NUGGC: variants seen among roughly 807,000 people sequenced by gnomAD.
NUGGC encodes the protein nuclear GTPase, germinal center associated.
Under a neutral mutation model 92.6 loss-of-function variants are expected in NUGGC, and 58 were observed. The ratio of observed to expected loss-of-function variants is 0.63; its 90% CI spans 0.51 to 0.78. NUGGC has a LOEUF of 0.78. NUGGC is among the 30% of genes least tolerant of loss of function. NUGGC has a pLI of 0.00. For synonymous variants in NUGGC, 376 were observed against 366.4 expected (o/e 1.03, Z -0.30); for missense variants, 925 against 964.6 (o/e 0.96, Z 0.54).
chr8:28,041,250 C>T (rs183016260), intron 12 of NUGGC, 35 bp from the exon 13 acceptor site: 5 of 1,582,568 alleles, frequency 3.2e-6, no homozygotes, highest in Admixed American at 3.5e-5. Flanking sequence ...TCAGGCCACC[C>T]CCTCCCTAAG....
At chr8:28,035,269 T>A (rs559749238) in intron 13 of NUGGC, among the ~76,000 whole-genome samples, 2 of 152,308 alleles carry the variant, frequency 1.3e-5, no homozygotes, top group South Asian at 4.2e-4. Context: ...TCTTTATCTA[T>A]TGCTATGAAA....
chr8:28,071,571 C>G (rs1355347581), intron 2 of NUGGC, among the ~76,000 whole-genome samples: 2 of 152,162 alleles, frequency 1.3e-5, no homozygotes, highest in Non-Finnish European at 1.5e-5. Flanking sequence ...CACCTAGAAG[C>G]AGATCTTTGT....
intron 1 of NUGGC, among the ~76,000 whole-genome samples, chr8:28,075,974 G>A (rs553545893): frequency 2.6e-5 from 4 of 152,204 alleles, no homozygotes; most frequent in Admixed American, 6.5e-5. Flanking sequence ...CCTTCTTCTC[G>A]CAGGTGAATT....
At chr8:28,032,102 A>C (rs554707516) in intron 14 of NUGGC, among the ~76,000 whole-genome samples, 1 of 152,334 alleles carries the variant, frequency 6.6e-6, no homozygotes, top group East Asian at 1.9e-4. Flanking sequence ...ACAAGGCTGC[A>C]ACCAGGCAGC....
intron 13 of NUGGC, among the ~76,000 whole-genome samples, chr8:28,039,123 C>T (rs1477618051): frequency 1.3e-5 from 2 of 152,196 alleles, no homozygotes; most frequent in African/African-American, 4.8e-5. Context: ...ATCACCCCAA[C>T]TTATCTCCTC....
At chr8:28,056,215 A>G (rs1810131723) in intron 9 of NUGGC, among the ~76,000 whole-genome samples, 161 bp from the exon 10 acceptor site, 1 of 152,176 alleles carries the variant, frequency 6.6e-6, no homozygotes, top group Non-Finnish European at 1.5e-5. Flanking sequence ...ACGGTGGCTC[A>G]TGCCTGTAAT....
At chr8:28,027,949 G>A (rs368192500) in intron 17 of NUGGC, among the ~76,000 whole-genome samples, 8 of 151,832 alleles carry the variant, frequency 5.3e-5, no homozygotes, top group South Asian at 4.2e-4. Context: ...GGACTATTGC[G>A]AAGAGGTAAT....
chr8:28,058,882 T>A (rs1186932387), intron 8 of NUGGC, among the ~76,000 whole-genome samples: 1 of 150,190 alleles, frequency 6.7e-6, no homozygotes, highest in East Asian at 1.9e-4. Context: ...TATTTTGTAT[T>A]TTTTAGTACA....
chr8:28,037,292 A>T (rs545251123), intron 13 of NUGGC, among the ~76,000 whole-genome samples: 1 of 152,310 alleles, frequency 6.6e-6, no homozygotes, highest in South Asian at 2.1e-4. Flanking sequence ...TAAAGTCTGC[A>T]GCAAGCTGAC....
intron 10 of NUGGC, among the ~76,000 whole-genome samples, chr8:28,047,814 C>T (rs544697287): frequency 6.6e-6 from 1 of 152,342 alleles, no homozygotes; most frequent in African/African-American, 2.4e-5. Context: ...TATGAGGAAA[C>T]TGCTGCATAG....
Position 28,023,176 on chromosome 8 carries a change from T to C in NUGGC, c.*141A>G. On this transcript the variant is annotated 3_prime_UTR_variant, in exon 19 of 19. Coordinates refer to ENST00000413272, the MANE Select transcript of NUGGC (RefSeq NM_001010906.2). ...TCGCTTGAGCCTAGGAGTTCGAGGC[T>C]GCAGTGAGCTGTGATGGTGCCACTG... The C allele has an allele frequency of 8.0e-6, 7 of 878,472 alleles. 1 individual carries two copies. The South Asian group carries it at 1.3e-4, about 16-fold the overall frequency. 54.4% of individuals were successfully genotyped at this position (878,472 alleles called of 1,614,324 possible). A position where few individuals can be genotyped will look rare whatever the true frequency, so the allele number is the denominator to read the frequency against.
chr8:28,062,066 C>T (rs1173353876), intron 7 of NUGGC, among the ~76,000 whole-genome samples: 3 of 152,280 alleles, frequency 2.0e-5, no homozygotes, highest in East Asian at 1.9e-4. Flanking sequence ...GAACCACCAT[C>T]GGCTCAATGC....
rs182506075 is a variant in NUGGC, at chr8:28,051,827, C to G, written c.1206+4138G>C. Among the ~76,000 whole-genome samples, 1,342 of 152,252 alleles carry G rather than the reference C, an allele frequency of 8.8e-3. 10 individuals carry two copies. The highest frequency in any genetic ancestry group is 0.014 in the Non-Finnish European group (975 of 68,014). Reference sequence around the variant, plus strand: ...ATCCCAGCTACTTGGGAGGCTGAGGCAGGAGAATTGCTTGAACCCAGGAGG... The same window carrying G: ...ATCCCAGCTACTTGGGAGGCTGAGGGAGGAGAATTGCTTGAACCCAGGAGG... On this transcript the variant is annotated intron_variant, in intron 10 of 18. Transcript: ENST00000413272.
chr8:28,058,410 G>A, intron 8 of NUGGC, 134 bp from the exon 9 acceptor site: 1 of 197,548 alleles, frequency 5.1e-6, no homozygotes, highest in Non-Finnish European at 1.1e-5. Context: ...TTGACCCAAT[G>A]CTCTCTCTTC....
rs1338348835 is a variant in NUGGC, at chr8:28,045,674, G to A, written c.1313-14C>T. 2 of 1,606,332 alleles carry A rather than the reference G, an allele frequency of 1.2e-6. No individual in the cohort carries two copies. The highest frequency in any genetic ancestry group is 3.4e-5 in the Admixed American group (2 of 58,468). On this transcript the variant is annotated splice_polypyrimidine_tract_variant and intron_variant, in intron 11 of 18. Coordinates refer to ENST00000413272, the MANE Select transcript of NUGGC (RefSeq NM_001010906.2). Reference sequence around the variant, plus strand: ...ACTTAGGGATTTCTGGAATTCACAGGCAGCACAAATAATTGTTAAAGGCCA... The same window carrying A: ...ACTTAGGGATTTCTGGAATTCACAGACAGCACAAATAATTGTTAAAGGCCA...
At chr8:28,045,192 G>A (rs1809798275) in intron 12 of NUGGC, among the ~76,000 whole-genome samples, 1 of 152,140 alleles carries the variant, frequency 6.6e-6, no homozygotes, top group South Asian at 2.1e-4. Flanking sequence ...TAACCAAGAA[G>A]TGTCTATATT....
At chr8:28,029,604 G>T (rs549551719) in intron 16 of NUGGC, among the ~76,000 whole-genome samples, 1 of 152,042 alleles carries the variant, frequency 6.6e-6, no homozygotes, top group African/African-American at 2.4e-5. Context: ...ACAAAAATTA[G>T]CTGGGCACCG....
intron 18 of NUGGC, among the ~76,000 whole-genome samples, chr8:28,024,147 A>G (rs1018674962): frequency 2.3e-4 from 35 of 150,236 alleles, no homozygotes; most frequent in African/African-American, 8.1e-4. Flanking sequence ...CAGACACCCA[A>G]CTAGCTGGGA....
At chr8:28,040,592 C>T (rs1809668140) in intron 13 of NUGGC, among the ~76,000 whole-genome samples, 1 of 151,884 alleles carries the variant, frequency 6.6e-6, no homozygotes, top group Admixed American at 6.6e-5. Context: ...CTGTTATGTG[C>T]AATTTTCACT....
Sources: allele counts gnomAD v4.1 joint callset (sites outside exome capture counted in the v4.1 genomes callset), GRCh38; gene constraint gnomAD v4.1.1; transcripts MANE v1.5; gene names NCBI Gene and HGNC (gene_info 2026-07-23, HGNC 2026-07-21).